The following MYO9A variants were observed in gnomAD, a reference collection of about 807,000 sequenced individuals.
MYO9A encodes unconventional myosin-IXa.
In MYO9A, 103 loss-of-function variants were observed where a neutral mutation model predicts 293.3. That is an observed-to-expected ratio of 0.35 (90% CI 0.30 to 0.41). The LOEUF (loss-of-function observed/expected upper bound fraction) is 0.41. Among genes scored for constraint, MYO9A ranks in the 10% least tolerant of loss-of-function variants. MYO9A has a pLI of 1.00. For synonymous variants in MYO9A, 1,001 were observed against 1,035.7 expected (o/e 0.97, Z 0.64); for missense variants, 2,685 against 3,033.0 (o/e 0.89, Z 2.69).
At chr15:71,873,022 C>T (rs1317073716) in intron 32 of MYO9A, among the ~76,000 whole-genome samples, 1 of 151,996 alleles carries the variant, frequency 6.6e-6, no homozygotes, top group Middle Eastern at 3.2e-3. Flanking sequence ...AAGCGATTCT[C>T]CTGCCTCAGC....
chr15:71,898,667 T>C lies in MYO9A; in HGVS notation c.3836A>G (p.Glu1279Gly). 6.2e-7 allele frequency: 1 copy of C among 1,613,910 alleles called. No homozygotes were observed. Among genetic ancestry groups the C allele is most frequent in the Non-Finnish European group, 8.5e-7 (1 of 1,179,980 alleles). The change falls in exon 25 of 42, where the codon GAA becomes GGA. Residue 1279 changes from glutamate to glycine, a missense_variant. By Grantham distance (98) the Glu-to-Gly change is moderately conservative. Around this residue, in one of 10 missense-constraint regions of MYO9A, gnomAD observed 1,434 missense variants for 1,497.7 expected, o/e 0.96. Coordinates refer to ENST00000356056, the MANE Select transcript of MYO9A (RefSeq NM_006901.4). The part of the protein sequence containing the change: ...RAKRESRRMR[E>G]LEQAIFSLEL... ...TAAGCTAAATATAGCTTGCTCTAGT[T>C]CTCTCATTCTCCTACTTTCTCTCTT...
chr15:72,012,294 A>G (rs936114654), intron 6 of MYO9A, among the ~76,000 whole-genome samples: 1 of 152,036 alleles, frequency 6.6e-6, no homozygotes, highest in Non-Finnish European at 1.5e-5. Context: ...TGTCCTACTC[A>G]TTAAAATAAT....
chr15:72,089,637 T>C (rs1465833725), intron 1 of MYO9A, among the ~76,000 whole-genome samples: 1 of 152,006 alleles, frequency 6.6e-6, no homozygotes, highest in East Asian at 1.9e-4. Context: ...AAAAATTAGC[T>C]GGGTGTGGTG....
intron 20 of MYO9A, 119 bp downstream of exon 20, chr15:71,904,807 C>T: frequency 1.7e-6 from 1 of 572,040 alleles, no homozygotes; most frequent in East Asian, 3.1e-5. Context: ...TTATAACATA[C>T]TATTTTCCTT....
chr15:71,880,041 A>G (rs1332850536), intron 29 of MYO9A, among the ~76,000 whole-genome samples: 1 of 152,208 alleles, frequency 6.6e-6, no homozygotes, highest in Non-Finnish European at 1.5e-5. Flanking sequence ...CTAACATTGT[A>G]TGATTCTATA....
intron 19 of MYO9A, among the ~76,000 whole-genome samples, chr15:71,914,176 G>A (rs530927442): frequency 6.6e-6 from 1 of 152,198 alleles, no homozygotes; most frequent in African/African-American, 2.4e-5. Flanking sequence ...CAATTAGCAA[G>A]ACCACTGGCA....
At chr15:72,012,038 T>C (rs1232121964) in intron 6 of MYO9A, among the ~76,000 whole-genome samples, 4 of 152,198 alleles carry the variant, frequency 2.6e-5, no homozygotes, top group African/African-American at 9.7e-5. Flanking sequence ...ATCAAGTATT[T>C]ACCATGTACA....
At chr15:72,022,672 C>T (rs926735541) in intron 4 of MYO9A, among the ~76,000 whole-genome samples, 1 of 152,068 alleles carries the variant, frequency 6.6e-6, no homozygotes, top group Non-Finnish European at 1.5e-5. Context: ...TTCAGCCTCC[C>T]TAGTAGCTGG....
At chr15:71,827,483 G>C (rs376703414) in intron 41 of MYO9A, among the ~76,000 whole-genome samples, 9 of 152,004 alleles carry the variant, frequency 5.9e-5, no homozygotes, top group African/African-American at 2.2e-4. Flanking sequence ...TTTCTCTGTG[G>C]TAAGTACAGG....
intron 15 of MYO9A, among the ~76,000 whole-genome samples, chr15:71,940,938 A>G (rs114414591): frequency 0.013 from 1,948 of 151,804 alleles, 28 homozygotes; most frequent in African/African-American, 0.021. Context: ...AAGGAAGAAG[A>G]AAGAAGAGAC....
chr15:72,075,897 A>C (rs771907719), intron 1 of MYO9A, among the ~76,000 whole-genome samples: 16 of 152,372 alleles, frequency 1.1e-4, no homozygotes, highest in Admixed American at 9.8e-4. Context: ...ATTGTGAACA[A>C]GACAGCTATG....
chr15:72,002,373 G>A (rs908768958), intron 8 of MYO9A, among the ~76,000 whole-genome samples: 10 of 151,410 alleles, frequency 6.6e-5, no homozygotes, highest in Non-Finnish European at 1.5e-4. Context: ...TCAGCCTCCC[G>A]AGTAGCTGGG....
chr15:72,001,102 C>T (rs1483241875), intron 8 of MYO9A, among the ~76,000 whole-genome samples: 1 of 152,088 alleles, frequency 6.6e-6, no homozygotes, highest in Non-Finnish European at 1.5e-5. Flanking sequence ...TTATTTCTTC[C>T]AAACCTTGAC....
chr15:71,827,513 AAAAACAAAAC>A (rs143023398), intron 41 of MYO9A, among the ~76,000 whole-genome samples: 6 of 152,120 alleles, frequency 3.9e-5, no homozygotes, highest in Non-Finnish European at 7.4e-5. Flanking sequence ...TAAATTACCA[AAAAACAAAAC>A]AAAACAAAAC....
chr15:71,950,625 C>G (rs765907111), intron 15 of MYO9A, among the ~76,000 whole-genome samples: 1 of 152,136 alleles, frequency 6.6e-6, no homozygotes, highest in African/African-American at 2.4e-5. Context: ...AAACACTTAC[C>G]TTTGTTCCTC....
At chr15:71,937,894 A>G (rs964831037) in intron 16 of MYO9A, among the ~76,000 whole-genome samples, 4 of 152,182 alleles carry the variant, frequency 2.6e-5, no homozygotes, top group Non-Finnish European at 4.4e-5. Context: ...TTAACTATCT[A>G]ATTTGTGTTC....
intron 1 of MYO9A, among the ~76,000 whole-genome samples, chr15:72,097,243 A>AT (rs1165115668): frequency 6.6e-6 from 1 of 152,216 alleles, no homozygotes; most frequent in African/African-American, 2.4e-5. Flanking sequence ...TCATTGTCTT[A>AT]TTTCAAGAAA....
At chr15:71,889,222 T>G (rs1437274938) in intron 26 of MYO9A, among the ~76,000 whole-genome samples, 1 of 152,088 alleles carries the variant, frequency 6.6e-6, no homozygotes, top group Non-Finnish European at 1.5e-5. Flanking sequence ...TAATCAACAC[T>G]TTGTATGAGA....
intron 1 of MYO9A, among the ~76,000 whole-genome samples, chr15:72,112,527 A>G (rs2080816932): frequency 6.6e-6 from 1 of 152,242 alleles, no homozygotes; most frequent in Admixed American, 6.5e-5. Context: ...TATTAAATGT[A>G]TAAAACAAAA....
Sources: allele counts gnomAD v4.1 joint callset (sites outside exome capture counted in the v4.1 genomes callset), GRCh38; gene constraint gnomAD v4.1.1; regional missense constraint gnomAD v4.1.1; transcripts MANE v1.5; gene names NCBI Gene and HGNC (gene_info 2026-07-23, HGNC 2026-07-21).